The following CNTNAP2 variants were observed in gnomAD, a reference collection of about 807,000 sequenced individuals.
The protein encoded by CNTNAP2 is contactin associated protein 2.
Under a neutral mutation model 155.2 loss-of-function variants are expected in CNTNAP2, and 98 were observed. The ratio of observed to expected loss-of-function variants is 0.63; its 90% CI spans 0.54 to 0.75. The LOEUF is 0.75. Ranked by LOEUF, CNTNAP2 falls within the 30% of genes least tolerant of loss-of-function variation. CNTNAP2 has a pLI of 0.00. For synonymous variants in CNTNAP2, 651 were observed against 631.2 expected (o/e 1.03, Z -0.47); for missense variants, 1,727 against 1,688.1 (o/e 1.02, Z -0.40).
chr7:146,285,602 G>T (rs1295111079), intron 1 of CNTNAP2, among the ~76,000 whole-genome samples: 1 of 151,566 alleles, frequency 6.6e-6, no homozygotes, highest in African/African-American at 2.4e-5. Context: ...ACAAATTAGG[G>T]TCAATAGTAG....
intron 13 of CNTNAP2, among the ~76,000 whole-genome samples, chr7:147,731,961 C>A (rs1796748196): frequency 6.6e-6 from 1 of 152,112 alleles, no homozygotes; most frequent in Non-Finnish European, 1.5e-5. Context: ...GAAGGTGTGA[C>A]TGAATTGCTG....
At chr7:148,321,797 G>A (rs1447349004) in intron 21 of CNTNAP2, among the ~76,000 whole-genome samples, 2 of 151,984 alleles carry the variant, frequency 1.3e-5, no homozygotes, top group Non-Finnish European at 2.9e-5. Context: ...TTACTCTGGA[G>A]TAAAAGAAGA....
In CNTNAP2 at chr7:146,528,413, C is replaced by T. The variant is rs545147302; in HGVS notation, c.98-245858C>T. Among the ~76,000 whole-genome samples, 8 of 152,190 alleles carry T rather than the reference C, an allele frequency of 5.3e-5. No homozygotes were observed. In the South Asian group the frequency reaches 8.3e-4, roughly 16 times the overall value. On this transcript the variant is annotated intron_variant, in intron 1 of 23. Coordinates refer to ENST00000361727, the MANE Select transcript of CNTNAP2 (RefSeq NM_014141.6). ...GCTATGAAGGTTAAATGAAATAAGA[C>T]GTGAAGACCATTTAGCATACAGTCC...
rs747201477 is a variant in CNTNAP2, at chr7:148,415,518, G to C, written c.3898G>C (p.Gly1300Arg). 3.3e-5 allele frequency: 54 copies of C among 1,614,092 alleles called. No homozygotes were observed. Among genetic ancestry groups the C allele is most frequent in the Non-Finnish European group, 4.4e-5 (52 of 1,180,040 alleles). ...KGTYHTNEAKGAESAESADAA... is the reference protein window; with the variant it reads ...KGTYHTNEAKRAESAESADAA... ...CACCTACCATACCAACGAAGCAAAG[G>C]GGGCGGAGTCGGCAGAGAGCGCGGA... is the stretch of plus-strand genomic sequence containing the variant. Residue 1300 changes from glycine (G) to arginine (R), a missense_variant, in exon 24 of 24, where the codon GGG becomes CGG. Coordinates refer to ENST00000361727, the MANE Select transcript of CNTNAP2 (RefSeq NM_014141.6).
intron 5 of CNTNAP2, among the ~76,000 whole-genome samples, chr7:147,115,471 A>C (rs1357171926): frequency 6.6e-6 from 1 of 152,128 alleles, no homozygotes; most frequent in Non-Finnish European, 1.5e-5. Context: ...TTGAAGGTTT[A>C]GTTTCTTTAC....
In CNTNAP2 at chr7:148,065,462, G is replaced by A. The variant is rs545900161; in HGVS notation, c.2384-52656G>A. On this transcript the variant is annotated intron_variant, in intron 15 of 23. Transcript: ENST00000361727. The stretch of plus-strand genomic sequence containing the variant: ...AGTAGTAATTATTGTCCAAATTTGG[G>A]ATCCCCAGTGTTAGGTGCATATATA... Among the ~76,000 whole-genome samples the A allele has an allele frequency of 1.4e-4, 22 of 152,168 alleles. No individual in the cohort carries two copies. The South Asian group carries it at 2.3e-3, about 16-fold the overall frequency.
chr7:147,914,411 A>T (rs1255620525), intron 14 of CNTNAP2, among the ~76,000 whole-genome samples: 2 of 151,964 alleles, frequency 1.3e-5, no homozygotes, highest in African/African-American at 4.8e-5. Context: ...ATAGTGGCAC[A>T]TACCTGTAAT....
chr7:147,610,266 G>A (rs1386306777), intron 12 of CNTNAP2, among the ~76,000 whole-genome samples: 3 of 151,332 alleles, frequency 2.0e-5, no homozygotes, highest in African/African-American at 4.9e-5. Context: ...AATATTCTGA[G>A]TAAAGTTTAA....
intron 12 of CNTNAP2, among the ~76,000 whole-genome samples, chr7:147,625,500 T>C (rs903179878): frequency 2.6e-5 from 4 of 152,246 alleles, no homozygotes; most frequent in Admixed American, 2.0e-4. Flanking sequence ...ACAGTAACTG[T>C]TCTATTTCAT....
At chr7:147,699,439 G>C (rs1158489231) in intron 13 of CNTNAP2, among the ~76,000 whole-genome samples, 1 of 151,870 alleles carries the variant, frequency 6.6e-6, no homozygotes, top group Admixed American at 6.6e-5. Flanking sequence ...ATTACACACC[G>C]GGGCCTGTCG....
At chr7:146,902,301 C>A (rs73742610) in intron 3 of CNTNAP2, among the ~76,000 whole-genome samples, 5,286 of 152,130 alleles carry the variant, frequency 0.035, 99 homozygotes, top group South Asian at 0.071. Flanking sequence ...CACTTTTAAT[C>A]CCTCTTCTGA....
intron 4 of CNTNAP2, among the ~76,000 whole-genome samples, chr7:147,106,206 C>T (rs1328672793): frequency 6.6e-6 from 1 of 152,050 alleles, no homozygotes; most frequent in Non-Finnish European, 1.5e-5. Flanking sequence ...TTAACTGTCA[C>T]TGATAGGAAA....
Position 147,308,749 on chromosome 7 carries a change from A to G in CNTNAP2, c.1498+8459A>G, listed in dbSNP as rs188904838. Among the ~76,000 whole-genome samples the G allele has an allele frequency of 8.5e-4, 129 of 152,290 alleles. 1 individual carries two copies. The Middle Eastern group carries it at 0.014, about 16-fold the overall frequency. On this transcript the variant is annotated intron_variant, in intron 9 of 23. Transcript: ENST00000361727. ...ACGGAACCATGGACAGCTCCCTCCC[A>G]AACAAAATTCCCAGCGTCCTGTCTC...
At position 146,130,742 on chromosome 7, in the gene CNTNAP2, C is replaced by T. The variant is rs538729821; in HGVS notation, c.97+13769C>T. Among the ~76,000 whole-genome samples the T allele has an allele frequency of 9.2e-5, 14 of 152,256 alleles. No homozygotes were observed. The South Asian group carries it at 1.7e-3, about 18-fold the overall frequency. On this transcript the variant is annotated intron_variant, in intron 1 of 23. Transcript: ENST00000361727. ...ATAAAGGGAAGAGGTGTAATTGACT[C>T]ACAGTTCTGCATGGCTGGGGAGGCC...
At chr7:146,206,088 A>G (rs188415279) in intron 1 of CNTNAP2, among the ~76,000 whole-genome samples, 1 of 152,068 alleles carries the variant, frequency 6.6e-6, no homozygotes. Context: ...AGGACATATC[A>G]CAGACTAAAA....
At chr7:148,182,984 C>T (rs191552842) in intron 18 of CNTNAP2, among the ~76,000 whole-genome samples, 257 of 152,356 alleles carry the variant, frequency 1.7e-3, no homozygotes, top group South Asian at 4.1e-3. Flanking sequence ...ATTCTACATT[C>T]TGTGTGAACG....
intron 2 of CNTNAP2, among the ~76,000 whole-genome samples, chr7:146,832,608 A>G (rs1431039824): frequency 6.8e-6 from 1 of 148,006 alleles, no homozygotes; most frequent in Non-Finnish European, 1.5e-5. Context: ...TTTATTATAT[A>G]TTATATTTTA....
chr7:146,340,168 C>CAAAAAAAAAA (rs1195946572), intron 1 of CNTNAP2, among the ~76,000 whole-genome samples: 38 of 54,594 alleles, frequency 7.0e-4, no homozygotes, highest in East Asian at 1.2e-3. Context: ...GACTCCGCCT[C>CAAAAAAAAAA]AAAAAAAAAA....
intron 3 of CNTNAP2, among the ~76,000 whole-genome samples, chr7:146,934,270 G>C (rs1018399275): frequency 1.3e-5 from 2 of 152,164 alleles, no homozygotes; most frequent in East Asian, 3.9e-4. Context: ...CATAAGAAAT[G>C]ATGAGTTCAT....
Sources: gnomAD v4.1 joint callset for allele counts (sites outside exome capture counted in the v4.1 genomes callset) on GRCh38, gnomAD v4.1.1 for gene constraint, MANE v1.5 for transcripts, NCBI Gene and HGNC (gene_info 2026-07-23, HGNC 2026-07-21) for gene names.